The following PLLP variants were observed in gnomAD, a reference collection of about 807,000 sequenced individuals.
PLLP encodes plasma membrane proteolipid (plasmolipin).
PLLP carries 15 observed loss-of-function variants against 19.7 expected under a neutral mutation model. The observed-to-expected ratio is 0.76, with a 90% CI of 0.51 to 1.17. PLLP has a LOEUF of 1.17. Among genes scored for constraint, PLLP ranks in the 50% most tolerant of loss-of-function variants. PLLP has a pLI of 0.00. For synonymous variants in PLLP, 111 were observed against 116.3 expected (o/e 0.95, Z 0.29); for missense variants, 255 against 258.3 (o/e 0.99, Z 0.09).
At chr16:57,276,062 C>T (rs1434091816) in intron 1 of PLLP, among the ~76,000 whole-genome samples, 6 of 152,080 alleles carry the variant, frequency 3.9e-5, no homozygotes, top group East Asian at 1.9e-4. Context: ...GATTCCTGAT[C>T]GTGCCACTCC....
intron 1 of PLLP, among the ~76,000 whole-genome samples, chr16:57,270,100 C>T (rs536025061): frequency 3.3e-3 from 502 of 152,236 alleles, no homozygotes; most frequent in Non-Finnish European, 5.8e-3. Flanking sequence ...GGTGACTGAA[C>T]CAAAGGTTTT....
At chr16:57,258,874 TCA>T (rs1188137560) in intron 2 of PLLP, among the ~76,000 whole-genome samples, 1 of 121,082 alleles carries the variant, frequency 8.3e-6, no homozygotes, top group Non-Finnish European at 1.6e-5. Context: ...TGAGTCATGA[TCA>T]CACCACTGCA....
Position 57,284,466 on chromosome 16 carries a change from C to G in PLLP, c.75G>C (p.Ala25=), listed in dbSNP as rs1901258215. ...GCACGAAGCCCAGGTCCGGGCGCAG[C>G]GCCGACACCGAGGCTTCGGCGCCCT... The part of the protein sequence containing the change: ...PAQGAEASVS[A]LRPDLGFVRS... The change falls in exon 1 of 4, where the codon GCG becomes GCC. Residue 25 remains alanine (A), a synonymous_variant. Transcript: ENST00000219207. 1 of 1,421,476 alleles carries G rather than the reference C, an allele frequency of 7.0e-7. No homozygotes were observed. The allele number at this position is 1,421,476 out of a possible 1,614,324, so 88.1% of individuals were successfully genotyped here.
At chr16:57,267,888 AAAAGAAAG>A (rs1258065763) in intron 1 of PLLP, among the ~76,000 whole-genome samples, 11 of 151,304 alleles carry the variant, frequency 7.3e-5, no homozygotes, top group African/African-American at 2.7e-4. Flanking sequence ...AAAAAAAAAA[AAAAGAAAG>A]AAAGAAAGAA....
chr16:57,256,909 T>G lies in PLLP; in HGVS notation c.*4A>C, dbSNP rs1597956722. The G allele has an allele frequency of 6.3e-7, 1 of 1,596,792 alleles. No homozygotes were observed. Among genetic ancestry groups the G allele is most frequent in the South Asian group, 1.1e-5 (1 of 90,774 alleles). On this transcript the variant is annotated 3_prime_UTR_variant, in exon 4 of 4. Coordinates refer to ENST00000219207, the MANE Select transcript of PLLP (RefSeq NM_015993.3). ...GCCCCAGAGGGGGCCGTGGCACAGG[T>G]GGTTTAGGCATAGCCGCCAGCCATC... is the stretch of plus-strand genomic sequence containing the variant.
intron 1 of PLLP, among the ~76,000 whole-genome samples, chr16:57,274,812 A>C (rs532524278): frequency 3.3e-5 from 5 of 151,540 alleles, no homozygotes; most frequent in African/African-American, 1.2e-4. Context: ...CCCAGGCTGG[A>C]GTGCAGTGAT....
intron 1 of PLLP, among the ~76,000 whole-genome samples, chr16:57,275,093 T>TCACACACACACACACACA (rs60029615): frequency 4.1e-5 from 5 of 121,360 alleles, no homozygotes; most frequent in African/African-American, 1.2e-4. Context: ...TCCAGGGACT[T>TCACACACACACACACACA]CACACACACA....
chr16:57,275,861 A>G (rs1444180542), intron 1 of PLLP, among the ~76,000 whole-genome samples: 1 of 152,246 alleles, frequency 6.6e-6, no homozygotes, highest in African/African-American at 2.4e-5. Context: ...TGCATTTATA[A>G]TTTCAGCACT....
intron 2 of PLLP, among the ~76,000 whole-genome samples, chr16:57,259,875 G>A (rs373076889): frequency 6.6e-6 from 1 of 151,972 alleles, no homozygotes; most frequent in East Asian, 1.9e-4. Context: ...TACACAGGAG[G>A]CTGAGGCGGA....
chr16:57,265,219 C>T (rs1195256018), intron 1 of PLLP, among the ~76,000 whole-genome samples: 1 of 152,260 alleles, frequency 6.6e-6, no homozygotes, highest in East Asian at 1.9e-4. Flanking sequence ...GGGGGCAGAG[C>T]CCTTACGAGT....
chr16:57,270,013 C>A (rs1052686403), intron 1 of PLLP, among the ~76,000 whole-genome samples: 63 of 152,310 alleles, frequency 4.1e-4, no homozygotes, highest in African/African-American at 1.4e-3. Flanking sequence ...AGATGATCCA[C>A]CTGCCTTGGC....
intron 2 of PLLP, among the ~76,000 whole-genome samples, chr16:57,260,350 C>CAGGCT (rs1451755971): frequency 6.6e-6 from 1 of 152,178 alleles, no homozygotes; most frequent in Non-Finnish European, 1.5e-5. Flanking sequence ...AAGAGACACA[C>CAGGCT]AGGCTTTTAT....
chr16:57,284,347 C>A (rs1403327540), intron 1 of PLLP, 59 bp downstream of exon 1: 43 of 1,283,460 alleles, frequency 3.4e-5, no homozygotes, highest in Non-Finnish European at 4.0e-5. Flanking sequence ...GAGTCCCTCA[C>A]CCATCCTGGC....
Position 57,275,192 on chromosome 16 carries a change from C to T in PLLP, c.135+9214G>A, listed in dbSNP as rs114349363. 3.1e-3 allele frequency among the ~76,000 whole-genome samples: 472 copies of T among 151,968 alleles called. 4 individuals carry two copies. Among genetic ancestry groups the T allele is most frequent in the Middle Eastern group, 0.014 (4 of 294 alleles). On this transcript the variant is annotated intron_variant, in intron 1 of 3. Coordinates refer to ENST00000219207, the MANE Select transcript of PLLP (RefSeq NM_015993.3). ...CTTCCACACAAATGATAGCATGCTA[C>T]AATTTTGCACCTTGCTTTTTTCACT...
chr16:57,281,795 G>A (rs1901222814), intron 1 of PLLP, among the ~76,000 whole-genome samples: 1 of 152,042 alleles, frequency 6.6e-6, no homozygotes, highest in Non-Finnish European at 1.5e-5. Flanking sequence ...ACAGGCGTGA[G>A]CCACCACACC....
Position 57,262,064 on chromosome 16 carries a change from C to G in PLLP, c.142G>C (p.Gly48Arg). The change falls in exon 2 of 4, where the codon GGG (glycine) becomes CGG (arginine). Residue 48 changes from glycine to arginine, a missense_variant. Coordinates refer to ENST00000219207, the MANE Select transcript of PLLP (RefSeq NM_015993.3). ...GCAATCAGCGCCCACACCAGCAGCC[C>G]CAGCACCTAGGAGGGTCAGACAAGG... is the stretch of plus-strand genomic sequence containing the variant. ...GALMLLQLVL[G>R]LLVWALIADT... is the part of the protein sequence containing the mutation. 1 of 1,614,166 alleles carries G rather than the reference C, an allele frequency of 6.2e-7. No individual in the cohort carries two copies. Among genetic ancestry groups the G allele is most frequent in the Non-Finnish European group, 8.5e-7 (1 of 1,180,012 alleles).
intron 1 of PLLP, among the ~76,000 whole-genome samples, chr16:57,279,637 T>C (rs1425749448): frequency 6.6e-6 from 1 of 150,642 alleles, no homozygotes; most frequent in Non-Finnish European, 1.5e-5. Context: ...ATCACACTAC[T>C]ATAGTCCAGC....
chr16:57,281,775 T>C (rs1276618565), intron 1 of PLLP, among the ~76,000 whole-genome samples: 6 of 152,024 alleles, frequency 3.9e-5, no homozygotes, highest in African/African-American at 1.4e-4. Context: ...CCTCCCAAAG[T>C]GCTGGGATTA....
intron 1 of PLLP, among the ~76,000 whole-genome samples, chr16:57,272,722 T>C (rs1033475078): frequency 2.7e-5 from 4 of 149,432 alleles, no homozygotes; most frequent in Non-Finnish European, 4.5e-5. Context: ...GAGGCCAAGG[T>C]AGGAGGAACG....
Sources: gnomAD v4.1 joint callset for allele counts (sites outside exome capture counted in the v4.1 genomes callset) on GRCh38, gnomAD v4.1.1 for gene constraint, MANE v1.5 for transcripts, NCBI Gene and HGNC (gene_info 2026-07-23, HGNC 2026-07-21) for gene names.